SEC24C: variants seen among roughly 807,000 people sequenced by gnomAD.
SEC24C encodes the protein SEC24 homolog C, COPII component, also known as protein transport protein Sec24C.
A neutral mutation model predicts 117.0 loss-of-function variants in SEC24C; 22 were observed. The observed-to-expected ratio is 0.19, with a 90% CI of 0.13 to 0.27. The LOEUF is 0.27. Ranked by LOEUF, SEC24C falls within the 10% of genes least tolerant of loss-of-function variation. The pLI, the probability that SEC24C is intolerant of heterozygous loss-of-function variation, is 1.00. For synonymous variants in SEC24C, 506 were observed against 529.4 expected (o/e 0.96, Z 0.61); for missense variants, 1,155 against 1,375.1 (o/e 0.84, Z 2.53).
chr10:73,756,404 A>T (rs1232024365), intron 3 of SEC24C, among the ~76,000 whole-genome samples: 1 of 152,110 alleles, frequency 6.6e-6, no homozygotes, highest in Non-Finnish European at 1.5e-5. Flanking sequence ...GGAGATAAGG[A>T]GTGCTGTTTC....
chr10:73,760,614 C>T (rs186691664), intron 5 of SEC24C, 99 bp from the exon 6 acceptor site: 428 of 1,319,498 alleles, frequency 3.2e-4, no homozygotes, highest in Middle Eastern at 1.9e-3. Flanking sequence ...TAGTGTGCCT[C>T]ATAATTCTAT....
intron 6 of SEC24C, among the ~76,000 whole-genome samples, chr10:73,763,273 A>G (rs1385773948): frequency 6.6e-6 from 1 of 152,218 alleles, no homozygotes; most frequent in Non-Finnish European, 1.5e-5. Context: ...CCTGCCCAGC[A>G]GGCTGCTGGG....
At chr10:73,770,589 G>C (rs750416110) in intron 21 of SEC24C, 118 bp downstream of exon 21, 1 of 1,490,624 alleles carries the variant, frequency 6.7e-7, no homozygotes, top group Non-Finnish European at 9.4e-7. Context: ...TGGGGACAAG[G>C]GCAGTTGCTG....
chr10:73,765,649 A>G (rs112950248), intron 9 of SEC24C, 60 bp downstream of exon 9: 52,064 of 1,599,354 alleles, frequency 0.033, 1,008 homozygotes, highest in Non-Finnish European at 0.04. Context: ...CTTGTTCTCT[A>G]TTAAATAGTT....
At chr10:73,770,152 A>G in intron 20 of SEC24C, 128 bp from the exon 21 acceptor site, 1 of 1,246,760 alleles carries the variant, frequency 8.0e-7, no homozygotes. Context: ...TTTCACACTG[A>G]GAGAGTTACT....
At position 73,747,101 on chromosome 10, in the gene SEC24C, T is replaced by C. The variant is rs1279124816; in HGVS notation, c.172+97T>C. The C allele has an allele frequency of 5.9e-5, 70 of 1,179,156 alleles. No homozygotes were observed. In the Middle Eastern group the frequency reaches 6.3e-4, roughly 11 times the overall value. The allele number at this position is 1,179,156 out of a possible 1,614,324, so 73.0% of individuals were successfully genotyped here. On this transcript the variant is annotated intron_variant, in intron 2 of 22. Transcript: ENST00000345254. Reference sequence around the variant, plus strand: ...CTCTAGCTAAGCTACCTGAGAAGTTTGGATAACTGGGATTGAGGAACATAA... The same window carrying C: ...CTCTAGCTAAGCTACCTGAGAAGTTCGGATAACTGGGATTGAGGAACATAA...
Position 73,770,481 on chromosome 10 carries a change from G to A in SEC24C, c.3054+10G>A. Reference sequence around the variant, plus strand: ...GATCACCAGTGGTTTGGTGAGGGCAGGGAGTCAAGGAGAATATGGGTGTGG... The same window carrying A: ...GATCACCAGTGGTTTGGTGAGGGCAAGGAGTCAAGGAGAATATGGGTGTGG... On this transcript the variant is annotated intron_variant, in intron 21 of 22. Transcript: ENST00000345254. 1 of 1,613,818 alleles carries A rather than the reference G, an allele frequency of 6.2e-7. No homozygotes were observed. The highest frequency in any genetic ancestry group is 8.5e-7 in the Non-Finnish European group (1 of 1,179,872).
chr10:73,764,023 G>A (rs924079375), intron 8 of SEC24C, 40 bp downstream of exon 8: 3 of 1,547,366 alleles, frequency 1.9e-6, no homozygotes, highest in East Asian at 2.4e-5. Flanking sequence ...GAAAGGGAGG[G>A]AGGTAGAGAG....
chr10:73,770,216 G>C, intron 20 of SEC24C, 64 bp from the exon 21 acceptor site: 2 of 1,474,310 alleles, frequency 1.4e-6, no homozygotes, highest in Non-Finnish European at 1.8e-6. Flanking sequence ...TTTTGTGTGT[G>C]GTGCGGGGGG....
At chr10:73,762,774 A>G (rs774602994) in intron 6 of SEC24C, among the ~76,000 whole-genome samples, 5 of 152,194 alleles carry the variant, frequency 3.3e-5, no homozygotes, top group East Asian at 3.8e-4. Flanking sequence ...GTAACTGACC[A>G]AAGGTCATTA....
At position 73,766,502 on chromosome 10, in the gene SEC24C, T is replaced by C; in HGVS notation, c.1760T>C (p.Phe587Ser). Residue 587 changes from phenylalanine to serine, a missense_variant, in exon 12 of 23, where the codon TTC (phenylalanine) becomes TCC (serine). By Grantham distance (155) the Phe-to-Ser change is radical. Transcript: ENST00000345254. ...ADMFVPLLDG[F>S]LVNVNESRAV... ...ATGTTTGTGCCACTGCTGGATGGCT[T>C]CCTGGTCAACGTCAATGAGTCTCGG... 1.9e-6 allele frequency: 3 copies of C among 1,613,134 alleles called. 1 individual carries two copies. In the South Asian group the frequency reaches 3.3e-5, roughly 18 times the overall value.
intron 3 of SEC24C, among the ~76,000 whole-genome samples, chr10:73,757,695 C>T (rs1159118569): frequency 1.2e-4 from 5 of 41,152 alleles, no homozygotes; most frequent in Non-Finnish European, 3.1e-4. Flanking sequence ...TTTGTGAAGC[C>T]GGGGTAGGAG....
intron 3 of SEC24C, among the ~76,000 whole-genome samples, chr10:73,753,093 A>G (rs977813538): frequency 6.6e-6 from 1 of 151,850 alleles, no homozygotes; most frequent in Non-Finnish European, 1.5e-5. Flanking sequence ...CCTGTTGCCC[A>G]TGCTAGAATG....
In SEC24C at chr10:73,767,109, A is replaced by G; in HGVS notation, c.1949A>G (p.Glu650Gly). The G allele has an allele frequency of 6.2e-7, 1 of 1,614,130 alleles. No homozygotes were observed. Among genetic ancestry groups the G allele is most frequent in the Non-Finnish European group, 8.5e-7 (1 of 1,179,998 alleles). ...TTCCATACATCCCTGCCCATTGCAG[A>G]GGCCCCAGGGAAACTGAAGAACAGA... ...FLFHTSLPIA[E>G]APGKLKNRDD... The change falls in exon 14 of 23, where the codon GAG becomes GGG. Residue 650 changes from glutamate (E) to glycine (G), a missense_variant. Coordinates refer to ENST00000345254, the MANE Select transcript of SEC24C (RefSeq NM_198597.3).
chr10:73,770,091 A>G (rs1306024064), intron 20 of SEC24C, 76 bp downstream of exon 20: 4 of 1,398,980 alleles, frequency 2.9e-6, no homozygotes, highest in Non-Finnish European at 4.0e-6. Flanking sequence ...ATAGGCTAGT[A>G]TCAGTCAGAC....
intron 6 of SEC24C, among the ~76,000 whole-genome samples, chr10:73,761,091 AG>A (rs1338462345): frequency 6.6e-6 from 1 of 152,228 alleles, no homozygotes; most frequent in Admixed American, 6.5e-5. Context: ...CAGCAGCACC[AG>A]TAGATGTCTG....
Position 73,751,091 on chromosome 10 carries a change from C to T in SEC24C, c.173-17C>T, listed in dbSNP as rs376362808. On this transcript the variant is annotated splice_polypyrimidine_tract_variant and intron_variant, in intron 2 of 22. Coordinates refer to ENST00000345254, the MANE Select transcript of SEC24C (RefSeq NM_198597.3). Reference sequence around the variant, plus strand: ...AAGTTATTTCCCAATCACTTAGTTTCTGTCCTTTACCCTCAGGTATGTCAA... The same window carrying T: ...AAGTTATTTCCCAATCACTTAGTTTTTGTCCTTTACCCTCAGGTATGTCAA... The T allele has an allele frequency of 6.2e-7, 1 of 1,609,576 alleles. No homozygotes were observed. The highest frequency in any genetic ancestry group is 1.7e-5 in the Admixed American group (1 of 59,042).
chr10:73,746,041 T>C (rs929789136), intron 1 of SEC24C, among the ~76,000 whole-genome samples: 1 of 149,448 alleles, frequency 6.7e-6, no homozygotes, highest in African/African-American at 2.5e-5. Context: ...GCGCCTGTAA[T>C]CCCAGCTACT....
chr10:73,759,315 T>G lies in SEC24C; in HGVS notation c.309-307T>G, dbSNP rs1381770001. ...CTTTCAGGGCTTCAGATTACAAAAC[T>G]GAAGAGGTTTGTCAAAGAATTGAAG... is the stretch of plus-strand genomic sequence containing the variant. On this transcript the variant is annotated intron_variant, in intron 3 of 22. Coordinates refer to ENST00000345254, the MANE Select transcript of SEC24C (RefSeq NM_198597.3). 2.0e-5 allele frequency among the ~76,000 whole-genome samples: 3 copies of G among 152,312 alleles called. No homozygotes were observed. In the East Asian group the frequency reaches 5.8e-4, roughly 29 times the overall value.
Sources: gnomAD v4.1 joint callset for allele counts (sites outside exome capture counted in the v4.1 genomes callset) on GRCh38, gnomAD v4.1.1 for gene constraint, MANE v1.5 for transcripts, NCBI Gene and HGNC (gene_info 2026-07-23, HGNC 2026-07-21) for gene names.